HSPB8: variants seen among roughly 807,000 people sequenced by gnomAD.
HSPB8 encodes heat shock protein beta-8.
HSPB8 carries 9 observed loss-of-function variants against 16.5 expected under a neutral mutation model. The ratio of observed to expected loss-of-function variants is 0.55; its 90% CI spans 0.33 to 0.95. HSPB8 has a LOEUF of 0.95. Among genes scored for constraint, HSPB8 ranks in the 40% least tolerant of loss-of-function variants. The probability of loss-of-function intolerance (pLI) is 0.03; values close to 1 mark genes in which losing one functional copy is unlikely to be tolerated. For synonymous variants in HSPB8, 99 were observed against 94.8 expected, an observed-to-expected ratio of 1.04 and a Z score of -0.26; for missense variants, 238 against 251.2, an observed-to-expected ratio of 0.95 and a Z score of 0.35.
Position 119,194,263 on chromosome 12 carries a change from C to A in HSPB8, c.*405C>A. 3.4e-6 allele frequency: 1 copy of A among 293,928 alleles called. No homozygotes were observed. Among genetic ancestry groups the A allele is most frequent in the Non-Finnish European group, 6.5e-6 (1 of 153,140 alleles). The allele number at this position is 293,928 out of a possible 1,614,324, so 18.2% of individuals were successfully genotyped here. A position where few individuals can be genotyped will look rare whatever the true frequency, so the allele number is the denominator to read the frequency against. The stretch of plus-strand genomic sequence containing the variant: ...CTCTGGGCTCCCGATTCCCATGGCT[C>A]CCAAACCATGCCGCATGGTTTGGTT... On this transcript the variant is annotated 3_prime_UTR_variant, in exon 3 of 3. Coordinates refer to ENST00000281938, the MANE Select transcript of HSPB8 (RefSeq NM_014365.3).
At chr12:119,183,811 G>A (rs966119603) in intron 1 of HSPB8, among the ~76,000 whole-genome samples, 4 of 152,078 alleles carry the variant, frequency 2.6e-5, no homozygotes, top group African/African-American at 9.7e-5. Flanking sequence ...AGCTTTCCCT[G>A]CTCAGAGATC....
At chr12:119,193,151 G>T (rs1447294856) in intron 2 of HSPB8, among the ~76,000 whole-genome samples, 2 of 152,170 alleles carry the variant, frequency 1.3e-5, no homozygotes, top group Non-Finnish European at 2.9e-5. Flanking sequence ...CATGTGGCCA[G>T]CTTGGCCCCT....
At chr12:119,186,584 T>C (rs968612562) in intron 1 of HSPB8, among the ~76,000 whole-genome samples, 6 of 152,106 alleles carry the variant, frequency 3.9e-5, no homozygotes, top group African/African-American at 1.2e-4. Context: ...GCAAGCTACA[T>C]GGCAGAGTCG....
chr12:119,184,420 C>T (rs1465734567), intron 1 of HSPB8, among the ~76,000 whole-genome samples: 2 of 152,160 alleles, frequency 1.3e-5, no homozygotes, highest in African/African-American at 4.8e-5. Context: ...TTCTAGGATG[C>T]AAAAGGGCTG....
intron 2 of HSPB8, among the ~76,000 whole-genome samples, chr12:119,192,563 G>A (rs1251518839): frequency 2.6e-5 from 4 of 152,086 alleles, no homozygotes; most frequent in Admixed American, 1.3e-4. Flanking sequence ...GCTGAGGCAG[G>A]AGAATTGCTT....
At chr12:119,187,370 C>A (rs916933554) in intron 2 of HSPB8, among the ~76,000 whole-genome samples, 1 of 152,000 alleles carries the variant, frequency 6.6e-6, no homozygotes, top group Non-Finnish European at 1.5e-5. Context: ...ATTTATTTAT[C>A]TTGAGACCGA....
chr12:119,191,042 C>G (rs2136085201), intron 2 of HSPB8, among the ~76,000 whole-genome samples: 1 of 152,314 alleles, frequency 6.6e-6, no homozygotes, highest in South Asian at 2.1e-4. Flanking sequence ...CATGGACAAT[C>G]AGGAAGATCC....
chr12:119,186,688 G>A lies in HSPB8; in HGVS notation c.368-337G>A, dbSNP rs573579749. The A allele has an allele frequency of 1.2e-5, 4 of 339,388 alleles. No individual in the cohort carries two copies. The East Asian group carries it at 2.1e-4, about 18-fold the overall frequency. 21.0% of individuals were successfully genotyped at this position (339,388 alleles called of 1,614,324 possible). On this transcript the variant is annotated intron_variant, in intron 1 of 2. Coordinates refer to ENST00000281938, the MANE Select transcript of HSPB8 (RefSeq NM_014365.3). Reference sequence around the variant, plus strand: ...CAGGTTAGAGAAGAGGAGTCAGGTGGGAGACTTGGAAGATTTGGTACAACA... The same window carrying A: ...CAGGTTAGAGAAGAGGAGTCAGGTGAGAGACTTGGAAGATTTGGTACAACA...
intron 2 of HSPB8, among the ~76,000 whole-genome samples, chr12:119,187,353 ATTAT>A (rs1361251520): frequency 6.6e-6 from 1 of 151,888 alleles, no homozygotes; most frequent in East Asian, 1.9e-4. Flanking sequence ...TTATTTATTT[ATTAT>A]TTATTTATTT....
At chr12:119,188,191 A>G (rs957074505) in intron 2 of HSPB8, among the ~76,000 whole-genome samples, 1 of 151,380 alleles carries the variant, frequency 6.6e-6, no homozygotes, top group African/African-American at 2.4e-5. Flanking sequence ...ATCAGCAATC[A>G]GCGTCACTCC....
chr12:119,179,527 G>A lies in HSPB8; in HGVS notation c.215G>A (p.Gly72Asp), dbSNP rs768405176. 2.5e-6 allele frequency: 4 copies of A among 1,613,682 alleles called. No homozygotes were observed. The Admixed American group carries it at 6.7e-5, about 27-fold the overall frequency. ...CTAAGGTCGGGCATGGTGCCCCGGG[G>A]CCCCACTGCCACCGCCAGGTTTGGG... ...GTLRSGMVPR[G>D]PTATARFGVP... Residue 72 changes from glycine to aspartate, a missense_variant, in exon 1 of 3, where the codon GGC (glycine) becomes GAC (aspartate). Gly to Asp is a moderately conservative substitution (Grantham distance 94, BLOSUM62 -1). Transcript: ENST00000281938.
rs1954622962 is a variant in HSPB8 at position 119,179,518 on chromosome 12, TGCCCCGGG to T, written c.212_219del (p.Arg71HisfsTer53). 6.2e-7 allele frequency: 1 copy of T among 1,613,698 alleles called. No individual in the cohort carries two copies. The highest frequency in any genetic ancestry group is 1.7e-5 in the Admixed American group (1 of 59,994). Reference sequence around the variant, plus strand: ...CCAGGCACCCTAAGGTCGGGCATGGTGCCCCGGGGCCCCACTGCCACCGCCAGGTTTGG... The same window carrying T: ...CCAGGCACCCTAAGGTCGGGCATGGTGCCCCACTGCCACCGCCAGGTTTGG... On this transcript the variant is annotated frameshift_variant, in exon 1 of 3. Transcript: ENST00000281938. LOFTEE classifies it high-confidence loss of function.
chr12:119,189,603 G>A (rs966820181), intron 2 of HSPB8, among the ~76,000 whole-genome samples: 2 of 152,094 alleles, frequency 1.3e-5, no homozygotes, highest in African/African-American at 2.4e-5. Flanking sequence ...TCCCTCGCAT[G>A]CACAGTTCAC....
chr12:119,188,716 C>T (rs1954692619), intron 2 of HSPB8, among the ~76,000 whole-genome samples: 1 of 152,210 alleles, frequency 6.6e-6, no homozygotes, highest in Non-Finnish European at 1.5e-5. Flanking sequence ...GAATAGATCC[C>T]TGACCTCTGA....
chr12:119,187,673 T>C (rs1289591636), intron 2 of HSPB8, among the ~76,000 whole-genome samples: 1 of 152,162 alleles, frequency 6.6e-6, no homozygotes, highest in Non-Finnish European at 1.5e-5. Context: ...CTCCCTTTTA[T>C]AGACTAAGCA....
At chr12:119,188,767 A>T (rs1954692802) in intron 2 of HSPB8, among the ~76,000 whole-genome samples, 1 of 152,206 alleles carries the variant, frequency 6.6e-6, no homozygotes, top group Admixed American at 6.5e-5. Context: ...CTGTTTCCTC[A>T]TCTGTGAAAG....
Position 119,194,064 on chromosome 12 carries a change from T to G in HSPB8, c.*206T>G, listed in dbSNP as rs1954729669. ...ATTGGCAAATCATGCTTGGTTGTGT[T>G]AGGCCAAAATACTAGTTTTGCTTTC... On this transcript the variant is annotated 3_prime_UTR_variant, in exon 3 of 3. Coordinates refer to ENST00000281938, the MANE Select transcript of HSPB8 (RefSeq NM_014365.3). 8 of 619,824 alleles carry G rather than the reference T, an allele frequency of 1.3e-5. No individual in the cohort carries two copies. Among genetic ancestry groups the G allele is most frequent in the Non-Finnish European group, 2.3e-5 (8 of 348,672 alleles). 38.4% of individuals were successfully genotyped at this position (619,824 alleles called of 1,614,324 possible).
intron 2 of HSPB8, among the ~76,000 whole-genome samples, chr12:119,187,654 G>A (rs1158143746): frequency 3.9e-5 from 6 of 152,114 alleles, no homozygotes; most frequent in East Asian, 1.9e-4. Context: ...CACTGCACCC[G>A]GGGAACAACT....
chr12:119,189,302 GGTGTGTGTGTGTGTGTGTGT>G, intron 2 of HSPB8, among the ~76,000 whole-genome samples: 2 of 143,406 alleles, frequency 1.4e-5, no homozygotes, highest in South Asian at 4.5e-4. Context: ...TCTTAAAAGG[GGTGTGTGTGTGTGTGTGTGT>G]GTGTGTGTGT....
Sources: allele counts gnomAD v4.1 joint callset (sites outside exome capture counted in the v4.1 genomes callset), GRCh38; gene constraint gnomAD v4.1.1; transcripts MANE v1.5; gene names NCBI Gene and HGNC (gene_info 2026-07-23, HGNC 2026-07-21).